The following AUTS2 variants were observed in gnomAD, a reference collection of about 807,000 sequenced individuals.
AUTS2 encodes the protein activator of transcription and developmental regulator AUTS2, also known as autism susceptibility gene 2 protein.
Under a neutral mutation model 112.4 loss-of-function variants are expected in AUTS2, and 17 were observed. That is an observed-to-expected ratio of 0.15 (90% CI 0.10 to 0.23). The LOEUF (loss-of-function observed/expected upper bound fraction) is 0.23, where lower values mean the gene tolerates loss of function less well. AUTS2 is among the 10% of genes least tolerant of loss of function. The probability of loss-of-function intolerance (pLI) is 1.00; values close to 1 mark genes in which losing one functional copy is unlikely to be tolerated. For synonymous variants in AUTS2, 751 were observed against 702.7 expected (o/e 1.07, Z -1.09); for missense variants, 1,510 against 1,701.6 (o/e 0.89, Z 1.98).
intron 12 of AUTS2, chr7:70,774,304 C>T (rs150624996): frequency 3.5e-5 from 19 of 547,944 alleles, no homozygotes; most frequent in Non-Finnish European, 4.9e-5. Flanking sequence ...ACAAAGAGAC[C>T]GACTTGCCGA....
intron 5 of AUTS2, among the ~76,000 whole-genome samples, chr7:70,608,698 G>A (rs781158199): frequency 2.0e-5 from 3 of 152,220 alleles, no homozygotes; most frequent in Non-Finnish European, 4.4e-5. Flanking sequence ...ATGGGTCCCA[G>A]TGATGATATT....
intron 2 of AUTS2, among the ~76,000 whole-genome samples, chr7:70,049,514 G>C (rs1801653639): frequency 6.6e-6 from 1 of 151,924 alleles, no homozygotes; most frequent in Non-Finnish European, 1.5e-5. Context: ...GTTTTTAGTA[G>C]GGACAGAGTT....
At chr7:69,886,975 C>T (rs1228226774) in intron 1 of AUTS2, among the ~76,000 whole-genome samples, 5 of 152,178 alleles carry the variant, frequency 3.3e-5, no homozygotes. Flanking sequence ...CTGGGTCTCA[C>T]TCTGTTGCCC....
In AUTS2 at chr7:70,182,362, T is replaced by C. The variant is rs148680242; in HGVS notation, c.660+47791T>C. 1.2e-4 allele frequency among the ~76,000 whole-genome samples: 19 copies of C among 152,336 alleles called. No homozygotes were observed. The East Asian group carries it at 3.7e-3, about 29-fold the overall frequency. ...AACTTTATCCAGGATGTTGAGGCTT[T>C]ACTCAGTTTTCAAGATCCAAATGAA... is the stretch of plus-strand genomic sequence containing the variant. On this transcript the variant is annotated intron_variant, in intron 4 of 18. Transcript: ENST00000342771.
intron 1 of AUTS2, among the ~76,000 whole-genome samples, chr7:69,814,160 T>C (rs1422349505): frequency 1.3e-5 from 2 of 152,220 alleles, no homozygotes; most frequent in Non-Finnish European, 2.9e-5. Context: ...AGTTGTACTT[T>C]TTGTTGCTTT....
At chr7:69,893,064 C>A (rs1468672980) in intron 1 of AUTS2, among the ~76,000 whole-genome samples, 1 of 152,184 alleles carries the variant, frequency 6.6e-6, no homozygotes, top group African/African-American at 2.4e-5. Context: ...TAGCCTGTTT[C>A]CCTGGATAAG....
intron 4 of AUTS2, among the ~76,000 whole-genome samples, chr7:70,398,109 A>G (rs1200882068): frequency 6.6e-6 from 1 of 152,210 alleles, no homozygotes; most frequent in African/African-American, 2.4e-5. Flanking sequence ...TGTTGTTCAC[A>G]TGTATGTGTT....
At chr7:70,577,866 T>C (rs552214597) in intron 5 of AUTS2, among the ~76,000 whole-genome samples, 1 of 152,158 alleles carries the variant, frequency 6.6e-6, no homozygotes, top group Admixed American at 6.5e-5. Context: ...AGTCTTGCTC[T>C]GTCGCCCAGG....
At chr7:70,281,069 A>C (rs1408926212) in intron 4 of AUTS2, among the ~76,000 whole-genome samples, 1 of 152,172 alleles carries the variant, frequency 6.6e-6, no homozygotes. Context: ...TAATGAATGA[A>C]TGAATGAATG....
intron 5 of AUTS2, among the ~76,000 whole-genome samples, chr7:70,476,010 C>G (rs1229130452): frequency 4.6e-5 from 7 of 152,032 alleles, no homozygotes; most frequent in African/African-American, 9.7e-5. Flanking sequence ...GCCTGGGTGA[C>G]AGAGTGAGAC....
intron 2 of AUTS2, among the ~76,000 whole-genome samples, chr7:70,088,273 A>G (rs1803715376): frequency 6.6e-6 from 1 of 151,616 alleles, no homozygotes; most frequent in Admixed American, 6.6e-5. Flanking sequence ...CCAGGCACCC[A>G]CCACCACGCC....
chr7:70,645,916 T>G (rs1214600714), intron 5 of AUTS2, among the ~76,000 whole-genome samples: 1 of 151,834 alleles, frequency 6.6e-6, no homozygotes, highest in Non-Finnish European at 1.5e-5. Flanking sequence ...CTCAGTATCG[T>G]TTATTCCATT....
chr7:70,723,063 C>G (rs145217732), intron 6 of AUTS2, among the ~76,000 whole-genome samples: 1 of 152,046 alleles, frequency 6.6e-6, no homozygotes, highest in African/African-American at 2.4e-5. Flanking sequence ...TGGAAAGTGA[C>G]GAGTCGGGGA....
chr7:70,355,766 T>C (rs1791982707), intron 4 of AUTS2, among the ~76,000 whole-genome samples: 1 of 152,132 alleles, frequency 6.6e-6, no homozygotes, highest in Admixed American at 6.5e-5. Flanking sequence ...ATGACACTAA[T>C]ATAGGGTTCA....
chr7:69,689,181 G>C (rs374078007), intron 1 of AUTS2, among the ~76,000 whole-genome samples: 47 of 152,024 alleles, frequency 3.1e-4, no homozygotes, highest in African/African-American at 1.1e-3. Flanking sequence ...TCCCTGCCTG[G>C]GGGGTTTCAT....
chr7:70,255,896 T>C (rs577826042), intron 4 of AUTS2, among the ~76,000 whole-genome samples: 1 of 152,370 alleles, frequency 6.6e-6, no homozygotes, highest in East Asian at 1.9e-4. Flanking sequence ...CATTGGGTTA[T>C]GGTTTGATGT....
At chr7:70,125,279 GTGTGTGTT>G (rs1283181071) in intron 3 of AUTS2, among the ~76,000 whole-genome samples, 82 of 130,174 alleles carry the variant, frequency 6.3e-4, no homozygotes, top group African/African-American at 2.2e-3. Context: ...GTGTGTGTGT[GTGTGTGTT>G]TTTAATGTTT....
At chr7:69,791,128 C>T (rs1454369661) in intron 1 of AUTS2, among the ~76,000 whole-genome samples, 1 of 152,176 alleles carries the variant, frequency 6.6e-6, no homozygotes, top group Non-Finnish European at 1.5e-5. Context: ...CAGCCCCAAG[C>T]ATGCTTTTTA....
chr7:70,101,550 C>T (rs1277965635), intron 2 of AUTS2, among the ~76,000 whole-genome samples: 1 of 151,942 alleles, frequency 6.6e-6, no homozygotes, highest in Non-Finnish European at 1.5e-5. Flanking sequence ...CAAAAATTAG[C>T]CGGGCATGGT....
Sources: allele counts gnomAD v4.1 joint callset (sites outside exome capture counted in the v4.1 genomes callset), GRCh38; gene constraint gnomAD v4.1.1; transcripts MANE v1.5; gene names NCBI Gene and HGNC (gene_info 2026-07-23, HGNC 2026-07-21).